SH3RF3: variants seen among roughly 807,000 people sequenced by gnomAD.
The protein encoded by SH3RF3 is SH3 domain containing ring finger 3, also known as E3 ubiquitin-protein ligase SH3RF3.
SH3RF3 carries 29 observed loss-of-function variants against 66.3 expected under a neutral mutation model. That is an observed-to-expected ratio of 0.44 (90% confidence interval 0.33 to 0.60). The LOEUF (loss-of-function observed/expected upper bound fraction) is 0.60. SH3RF3 is among the 20% of genes least tolerant of loss of function. The pLI is 0.04. For synonymous variants in SH3RF3, 583 were observed against 532.0 expected, an observed-to-expected ratio of 1.10 and a Z score of -1.32; for missense variants, 1,194 against 1,190.9, an observed-to-expected ratio of 1.00 and a Z score of -0.04.
intron 1 of SH3RF3, among the ~76,000 whole-genome samples, chr2:109,202,544 C>G (rs1157379927): frequency 6.6e-6 from 1 of 152,186 alleles, no homozygotes; most frequent in Non-Finnish European, 1.5e-5. Flanking sequence ...GCTGCTTTCT[C>G]CTTCCCCTCC....
At position 109,408,552 on chromosome 2, in the gene SH3RF3, C is replaced by G. The variant is rs568434581; in HGVS notation, c.1299+9609C>G. On this transcript the variant is annotated intron_variant, in intron 4 of 9. Transcript: ENST00000309415. ...CCCAGGCCGGGTTCGCTCTCAGGAC[C>G]TCGTCCTCCCATTCGCTGTCCCCTC... Among the ~76,000 whole-genome samples, 5 of 152,352 alleles carry G rather than the reference C, an allele frequency of 3.3e-5. No homozygotes were observed. In the East Asian group the frequency reaches 9.7e-4, roughly 29 times the overall value.
At chr2:109,415,068 G>A (rs1676686425) in intron 4 of SH3RF3, among the ~76,000 whole-genome samples, 1 of 152,226 alleles carries the variant, frequency 6.6e-6, no homozygotes, top group African/African-American at 2.4e-5. Flanking sequence ...AGGCTAGAGA[G>A]AGGAAGACGT....
chr2:109,466,392 T>G (rs2104704736), intron 8 of SH3RF3, among the ~76,000 whole-genome samples: 1 of 152,352 alleles, frequency 6.6e-6, no homozygotes, highest in South Asian at 2.1e-4. Context: ...TACATCTTTT[T>G]TAATGAGATG....
chr2:109,293,479 TTCTC>T (rs1024517901), intron 1 of SH3RF3, among the ~76,000 whole-genome samples: 66 of 152,268 alleles, frequency 4.3e-4, no homozygotes, highest in African/African-American at 1.6e-3. Context: ...CCCTGCCCCC[TTCTC>T]TCTCCACTGC....
intron 4 of SH3RF3, among the ~76,000 whole-genome samples, chr2:109,413,696 G>A (rs1285119144): frequency 6.6e-6 from 1 of 152,190 alleles, no homozygotes; most frequent in East Asian, 1.9e-4. Flanking sequence ...GCCCCCACCA[G>A]CCCTCCACAC....
intron 4 of SH3RF3, among the ~76,000 whole-genome samples, chr2:109,407,123 C>T (rs758525883): frequency 6.6e-5 from 10 of 152,216 alleles, no homozygotes; most frequent in Non-Finnish European, 1.5e-4. Flanking sequence ...CTTGCTGGGT[C>T]CAGAGTGTGG....
chr2:109,213,236 G>T (rs540336843), intron 1 of SH3RF3, among the ~76,000 whole-genome samples: 26 of 152,292 alleles, frequency 1.7e-4, no homozygotes, highest in South Asian at 6.2e-4. Context: ...CTGCTTCTGA[G>T]CTCAGTGATG....
chr2:109,442,011 C>T (rs1254798846), intron 7 of SH3RF3, among the ~76,000 whole-genome samples: 1 of 152,094 alleles, frequency 6.6e-6, no homozygotes, highest in Admixed American at 6.5e-5. Flanking sequence ...GATTTTGTCT[C>T]TAATAAATCC....
At chr2:109,194,636 A>G (rs1179097747) in intron 1 of SH3RF3, among the ~76,000 whole-genome samples, 1 of 152,234 alleles carries the variant, frequency 6.6e-6, no homozygotes, top group East Asian at 1.9e-4. Context: ...TATCTTCTGC[A>G]TATACAGGAA....
chr2:109,397,628 CTG>C (rs993373124), intron 3 of SH3RF3, among the ~76,000 whole-genome samples: 2 of 152,196 alleles, frequency 1.3e-5, no homozygotes, highest in Non-Finnish European at 2.9e-5. Context: ...ACTGACCTAA[CTG>C]AGGCCCTGAG....
At chr2:109,348,074 G>A in intron 2 of SH3RF3, 125 bp downstream of exon 2, 4 of 1,334,796 alleles carry the variant, frequency 3.0e-6, no homozygotes. Flanking sequence ...GCTCCTCCCG[G>A]AACCCTGGGC....
chr2:109,343,418 C>T (rs73955548), intron 1 of SH3RF3, among the ~76,000 whole-genome samples: 1,578 of 152,122 alleles, frequency 0.01, 23 homozygotes, highest in African/African-American at 0.035. Context: ...AAGGTTCATT[C>T]CCCCTCTTGG....
At chr2:109,387,290 G>A (rs1213246774) in intron 3 of SH3RF3, among the ~76,000 whole-genome samples, 2 of 152,122 alleles carry the variant, frequency 1.3e-5, no homozygotes, top group Non-Finnish European at 2.9e-5. Flanking sequence ...CCTTTTCTCA[G>A]CGCCAGGGCC....
At chr2:109,486,779 C>T (rs1287772808) in intron 8 of SH3RF3, among the ~76,000 whole-genome samples, 1 of 152,122 alleles carries the variant, frequency 6.6e-6, no homozygotes, top group Non-Finnish European at 1.5e-5. Context: ...TGGGGAGGGC[C>T]TTCCAGAAGA....
At chr2:109,168,090 A>G (rs1016779433) in intron 1 of SH3RF3, among the ~76,000 whole-genome samples, 2 of 152,206 alleles carry the variant, frequency 1.3e-5, no homozygotes, top group East Asian at 3.9e-4. Flanking sequence ...TACACACCCA[A>G]TTAAGACAGG....
intron 1 of SH3RF3, among the ~76,000 whole-genome samples, chr2:109,289,453 G>A (rs1003138325): frequency 3.3e-5 from 5 of 152,106 alleles, no homozygotes; most frequent in East Asian, 1.9e-4. Context: ...TACATGTCAC[G>A]GATTGGCAGG....
intron 9 of SH3RF3, among the ~76,000 whole-genome samples, chr2:109,497,354 C>G (rs1265987014): frequency 1.3e-5 from 2 of 152,210 alleles, no homozygotes; most frequent in African/African-American, 4.8e-5. Flanking sequence ...ACTTTGCAGA[C>G]TCTGTTGTCA....
At chr2:109,354,066 A>G (rs1243415614) in intron 2 of SH3RF3, among the ~76,000 whole-genome samples, 4 of 152,226 alleles carry the variant, frequency 2.6e-5, no homozygotes, top group Non-Finnish European at 5.9e-5. Context: ...ACAGTTCCAT[A>G]AGTGCCCCAC....
chr2:109,163,760 T>C (rs891742528), intron 1 of SH3RF3, among the ~76,000 whole-genome samples: 2 of 152,190 alleles, frequency 1.3e-5, no homozygotes, highest in African/African-American at 4.8e-5. Flanking sequence ...ATCGCCATCC[T>C]GTGTGCAGTC....
Sources: allele counts gnomAD v4.1 joint callset (sites outside exome capture counted in the v4.1 genomes callset), GRCh38; gene constraint gnomAD v4.1.1; transcripts MANE v1.5; gene names NCBI Gene and HGNC (gene_info 2026-07-23, HGNC 2026-07-21).